ASAP1: variants seen among roughly 807,000 people sequenced by gnomAD.
ASAP1 encodes ArfGAP with SH3 domain, ankyrin repeat and PH domain 1, also known as arf-GAP with SH3 domain, ANK repeat and PH domain-containing protein 1.
In ASAP1, 43 loss-of-function variants were observed where a neutral mutation model predicts 145.2. The observed-to-expected ratio is 0.30, with a 90% CI of 0.23 to 0.38. ASAP1 has a LOEUF of 0.38. Among genes scored for constraint, ASAP1 ranks in the 10% least tolerant of loss-of-function variants. The pLI is 1.00. For missense variants in ASAP1, 1,018 were observed against 1,355.3 expected, an observed-to-expected ratio of 0.75 and a Z score of 3.91; for synonymous variants, 546 against 515.5, an observed-to-expected ratio of 1.06 and a Z score of -0.80.
intron 2 of ASAP1, among the ~76,000 whole-genome samples, chr8:130,375,981 C>T (rs188983113): frequency 6.4e-4 from 98 of 152,320 alleles, no homozygotes; most frequent in African/African-American, 2.2e-3. Context: ...TTTACCTCTA[C>T]CCCTGCCTCT....
At chr8:130,162,834 A>G (rs1423678284) in intron 11 of ASAP1, 1 of 149,322 alleles carries the variant, frequency 6.7e-6, no homozygotes, top group Non-Finnish European at 1.5e-5. Flanking sequence ...AAAAAAAAAC[A>G]AACAAAATCT....
intron 4 of ASAP1, among the ~76,000 whole-genome samples, chr8:130,216,974 A>G (rs1451976395): frequency 6.6e-6 from 1 of 152,242 alleles, no homozygotes; most frequent in Non-Finnish European, 1.5e-5. Flanking sequence ...ACTGTGCATC[A>G]GATCTTGTGA....
At chr8:130,274,843 T>C (rs1190929262) in intron 3 of ASAP1, among the ~76,000 whole-genome samples, 1 of 152,220 alleles carries the variant, frequency 6.6e-6, no homozygotes, top group Non-Finnish European at 1.5e-5. Context: ...GATTGGCTCT[T>C]AGCTACACCT....
chr8:130,061,203 C>G, intron 27 of ASAP1, 134 bp from the exon 28 acceptor site: 5 of 1,012,896 alleles, frequency 4.9e-6, no homozygotes, highest in Non-Finnish European at 6.8e-6. Flanking sequence ...ACTCAGGGGC[C>G]AGGCCCACCC....
At chr8:130,180,985 C>T (rs1433654634) in intron 7 of ASAP1, 105 bp from the exon 8 acceptor site, 4 of 1,014,632 alleles carry the variant, frequency 3.9e-6, no homozygotes, top group Non-Finnish European at 5.6e-6. Context: ...GACGATGTGT[C>T]TATGTAGGTT....
intron 1 of ASAP1, among the ~76,000 whole-genome samples, chr8:130,410,347 C>A (rs1200657637): frequency 1.3e-5 from 2 of 152,206 alleles, no homozygotes; most frequent in Non-Finnish European, 1.5e-5. Context: ...AATTTTGTGA[C>A]TCTTAGAATA....
intron 5 of ASAP1, among the ~76,000 whole-genome samples, chr8:130,206,939 C>G (rs1182679426): frequency 6.6e-6 from 1 of 151,952 alleles, no homozygotes; most frequent in African/African-American, 2.4e-5. Flanking sequence ...TAGAGCAGAC[C>G]CAGCATTGCT....
chr8:130,171,290 G>A (rs556473271), intron 9 of ASAP1, among the ~76,000 whole-genome samples: 23 of 152,052 alleles, frequency 1.5e-4, no homozygotes, highest in East Asian at 9.7e-4. Flanking sequence ...GTAGTAGTAC[G>A]TTCCCATGTT....
chr8:130,316,632 C>A (rs1057475912), intron 3 of ASAP1, among the ~76,000 whole-genome samples: 7 of 152,188 alleles, frequency 4.6e-5, no homozygotes, highest in African/African-American at 1.7e-4. Flanking sequence ...TCAGAAATGA[C>A]AGCTGGAGCT....
chr8:130,392,953 A>C (rs1486330781), intron 2 of ASAP1, among the ~76,000 whole-genome samples: 1 of 152,192 alleles, frequency 6.6e-6, no homozygotes, highest in Non-Finnish European at 1.5e-5. Flanking sequence ...TGAGGTTTAG[A>C]GGGGTCAAAT....
intron 26 of ASAP1, among the ~76,000 whole-genome samples, chr8:130,079,243 A>G (rs760234881): frequency 2.1e-4 from 32 of 152,156 alleles, no homozygotes; most frequent in Middle Eastern, 3.2e-3. Flanking sequence ...TCTGGATAAG[A>G]GCTGACTCTT....
In ASAP1 at chr8:130,384,230, C is replaced by T. The variant is rs543899179; in HGVS notation, c.59+17655G>A. 2.0e-5 allele frequency among the ~76,000 whole-genome samples: 3 copies of T among 152,296 alleles called. No homozygotes were observed. The East Asian group carries it at 5.8e-4, about 29-fold the overall frequency. ...AAGTTACCAGCAGGGAAGGGCCTCGCTGATTAAAATAAAGCACAAACCACT... is the reference window on the plus strand; with the variant it reads ...AAGTTACCAGCAGGGAAGGGCCTCGTTGATTAAAATAAAGCACAAACCACT... On this transcript the variant is annotated intron_variant, in intron 2 of 29. Transcript: ENST00000518721.
At chr8:130,153,145 G>A (rs1354284488) in intron 12 of ASAP1, among the ~76,000 whole-genome samples, 1 of 150,576 alleles carries the variant, frequency 6.6e-6, no homozygotes, top group East Asian at 2.0e-4. Context: ...TCAGCCTCCC[G>A]AGCAGCTGGG....
intron 1 of ASAP1, among the ~76,000 whole-genome samples, chr8:130,417,038 A>AC (rs1829503059): frequency 6.6e-6 from 1 of 152,220 alleles, no homozygotes; most frequent in South Asian, 2.1e-4. Context: ...CAGAAGTGCA[A>AC]CCCATGTACA....
chr8:130,422,304 A>G (rs1189850539), intron 1 of ASAP1, among the ~76,000 whole-genome samples: 1 of 152,218 alleles, frequency 6.6e-6, no homozygotes, highest in Non-Finnish European at 1.5e-5. Flanking sequence ...AGACCATCAC[A>G]GTCACCTGGT....
At chr8:130,193,155 G>C (rs1438589123) in intron 5 of ASAP1, among the ~76,000 whole-genome samples, 1 of 152,148 alleles carries the variant, frequency 6.6e-6, no homozygotes, top group Non-Finnish European at 1.5e-5. Flanking sequence ...AATCACTTGA[G>C]GTCAGGAGTT....
chr8:130,440,736 G>T (rs1232325436), intron 1 of ASAP1, among the ~76,000 whole-genome samples: 2 of 152,100 alleles, frequency 1.3e-5, no homozygotes, highest in African/African-American at 2.4e-5. Context: ...TTTGTGCATA[G>T]TCAACTTTGC....
chr8:130,236,717 T>G (rs1200259416), intron 4 of ASAP1, among the ~76,000 whole-genome samples: 1 of 152,180 alleles, frequency 6.6e-6, no homozygotes, highest in Non-Finnish European at 1.5e-5. Context: ...CCACTGTGAC[T>G]AATGCTTTTC....
chr8:130,413,963 T>G (rs1351213308), intron 1 of ASAP1, among the ~76,000 whole-genome samples: 1 of 152,220 alleles, frequency 6.6e-6, no homozygotes. Flanking sequence ...CCCACCCAAG[T>G]GAGGCATTTT....
Sources: gnomAD v4.1 joint callset for allele counts (sites outside exome capture counted in the v4.1 genomes callset) on GRCh38, gnomAD v4.1.1 for gene constraint, MANE v1.5 for transcripts, NCBI Gene and HGNC (gene_info 2026-07-23, HGNC 2026-07-21) for gene names.